Variants in TOP3A observed in about 807,000 individuals in gnomAD.
TOP3A encodes the protein DNA topoisomerase 3-alpha.
Under a neutral mutation model 111.3 loss-of-function variants are expected in TOP3A, and 64 were observed. The ratio of observed to expected loss-of-function variants is 0.57; its 90% CI spans 0.47 to 0.71. TOP3A has a LOEUF of 0.71. TOP3A is among the 30% of genes least tolerant of loss of function. TOP3A has a pLI of 0.00. For missense variants in TOP3A, 1,104 were observed against 1,285.0 expected (o/e 0.86, Z 2.15); for synonymous variants, 484 against 485.1 (o/e 1.00, Z 0.03).
Position 18,308,882 on chromosome 17 carries a change from C to T in TOP3A, c.240G>A (p.Gln80=). The change falls in exon 2 of 19, where the codon CAG becomes CAA. Residue 80 remains glutamine (Q), a splice_region_variant and synonymous_variant. Transcript: ENST00000321105. ...IYEFDYHLYG[Q]NVTMVMTSVS... ...ATTTTAGAAATATTTTAGCACCTAC[C>T]TGGCCATACAGATGATAATCAAATT... 6.4e-7 allele frequency: 1 copy of T among 1,567,042 alleles called. No individual in the cohort carries two copies. Among genetic ancestry groups the T allele is most frequent in the Non-Finnish European group, 8.7e-7 (1 of 1,151,804 alleles).
In TOP3A at chr17:18,274,128, G is replaced by GGT. The variant is rs1979174679; in HGVS notation, c.*672_*673dup. On this transcript the variant is annotated 3_prime_UTR_variant, in exon 19 of 19. Transcript: ENST00000321105. ...ATTTTTTGTATTTTAGTAGAGACAG[G>GGT]GTTTCACCATGTTGCCCTGGCTGGT... The GGT allele has an allele frequency of 6.6e-6, 1 of 152,138 alleles. No individual in the cohort carries two copies. Among genetic ancestry groups the GGT allele is most frequent in the Non-Finnish European group, 1.5e-5 (1 of 68,104 alleles). 9.4% of individuals were successfully genotyped at this position (152,138 alleles called of 1,614,324 possible). A position where few individuals can be genotyped will look rare whatever the true frequency, so the allele number is the denominator to read the frequency against.
At chr17:18,300,277 C>T (rs1485772704) in intron 8 of TOP3A, among the ~76,000 whole-genome samples, 2 of 151,952 alleles carry the variant, frequency 1.3e-5, no homozygotes, top group East Asian at 3.9e-4. Flanking sequence ...GCCTGTAGTT[C>T]CAGCTACTGG....
chr17:18,299,461 A>G lies in TOP3A; in HGVS notation c.990+98T>C, dbSNP rs552052394. On this transcript the variant is annotated intron_variant, in intron 9 of 18. Coordinates refer to ENST00000321105, the MANE Select transcript of TOP3A (RefSeq NM_004618.5). ...TTCTTGTGTGGCCTGGTGATGGGTGATATTTTCTTCCACCAAGCCACAGTC... is the reference window on the plus strand; with the variant it reads ...TTCTTGTGTGGCCTGGTGATGGGTGGTATTTTCTTCCACCAAGCCACAGTC... 6.5e-5 allele frequency: 67 copies of G among 1,034,786 alleles called. No individual in the cohort carries two copies. The African/African-American group carries it at 9.4e-4, about 15-fold the overall frequency. 64.1% of individuals were successfully genotyped at this position (1,034,786 alleles called of 1,614,324 possible). A position where few individuals can be genotyped will look rare whatever the true frequency, so the allele number is the denominator to read the frequency against.
At chr17:18,305,261 G>C (rs369175761) in intron 4 of TOP3A, 41 bp from the exon 5 acceptor site, 1 of 1,498,210 alleles carries the variant, frequency 6.7e-7, no homozygotes, top group Non-Finnish European at 9.3e-7. Context: ...GAACAGAATT[G>C]CACAACAGTG....
chr17:18,294,764 G>C lies in TOP3A; in HGVS notation c.1012C>G (p.Arg338Gly). Residue 338 changes from arginine (R) to glycine (G), a missense_variant, in exon 10 of 19, where the codon CGA becomes GGA. Transcript: ENST00000321105. ...DTVELEKLAS[R>G]KLRINAKETM... is the part of the protein sequence containing the mutation. ...TCTTTAGCATTTATTCTCAACTTTC[G>C]AGAAGCCAGCTTCTCAAGCTCCTGT... 1 of 1,613,786 alleles carries C rather than the reference G, an allele frequency of 6.2e-7. No homozygotes were observed. The highest frequency in any genetic ancestry group is 8.5e-7 in the Non-Finnish European group (1 of 1,179,852).
chr17:18,305,517 G>C (rs57776024), intron 4 of TOP3A, among the ~76,000 whole-genome samples: 3 of 151,430 alleles, frequency 2.0e-5, no homozygotes, highest in Non-Finnish European at 4.4e-5. Context: ...CGCACACTTC[G>C]AGAGGTTCTG....
intron 9 of TOP3A, among the ~76,000 whole-genome samples, chr17:18,297,115 G>GC (rs1397650157): frequency 6.6e-6 from 1 of 152,084 alleles, no homozygotes; most frequent in Non-Finnish European, 1.5e-5. Flanking sequence ...CAGTTATATT[G>GC]CATTTGTTAA....
chr17:18,288,573 C>G (rs1003008549), intron 13 of TOP3A, among the ~76,000 whole-genome samples: 9 of 152,228 alleles, frequency 5.9e-5, no homozygotes, highest in Non-Finnish European at 1.2e-4. Flanking sequence ...ACTGGGCAAG[C>G]CAAGGCCCTG....
Position 18,272,530 on chromosome 17 carries a change from A to C in TOP3A, c.*2272T>G, listed in dbSNP as rs549587334. On this transcript the variant is annotated 3_prime_UTR_variant, in exon 19 of 19. Coordinates refer to ENST00000321105, the MANE Select transcript of TOP3A (RefSeq NM_004618.5). The stretch of plus-strand genomic sequence containing the variant: ...AAAAAGTGGAAACAACCCAATGTCC[A>C]TCAACTGACAAATGGATAATCGTGT... 1.3e-5 allele frequency among the ~76,000 whole-genome samples: 2 copies of C among 152,238 alleles called. No homozygotes were observed. The highest frequency in any genetic ancestry group is 1.3e-4 in the Admixed American group (2 of 15,278).
chr17:18,281,460 TCAGAGAATTGGAGAATTCAGAG>T lies in TOP3A; in HGVS notation c.2022-824_2022-803del, dbSNP rs1177489190. ...TAAAGAATAATAATAATTCTCCAAT[TCAGAGAATTGGAGAATTCAGAG>T]CTAAAACAAAAGTAGTTATTCTCTC... On this transcript the variant is annotated intron_variant, in intron 16 of 18. Transcript: ENST00000321105. Among the ~76,000 whole-genome samples the T allele has an allele frequency of 4.7e-4, 72 of 152,110 alleles. 1 individual carries two copies. The highest frequency in any genetic ancestry group is 2.2e-4 in the Non-Finnish European group (15 of 68,006).
chr17:18,278,076 T>C lies in TOP3A; in HGVS notation c.2426A>G (p.Asn809Ser), dbSNP rs1366593444. ...LPPPTAAGES[N>S]SVTCNCGQEA... ...CTGGCCACAGTTGCAGGTCACAGAA[T>C]TGCTTTCACCAGCAGCCGTGGGTGG... Residue 809 changes from asparagine (N) to serine (S), a missense_variant, in exon 18 of 19, where the codon AAT becomes AGT. Asn to Ser is a conservative substitution (Grantham distance 46). Coordinates refer to ENST00000321105, the MANE Select transcript of TOP3A (RefSeq NM_004618.5). 1.9e-6 allele frequency: 3 copies of C among 1,614,196 alleles called. No individual in the cohort carries two copies. The South Asian group carries it at 3.3e-5, about 18-fold the overall frequency.
chr17:18,292,271 G>C (rs1360693865), intron 11 of TOP3A, among the ~76,000 whole-genome samples: 1 of 152,222 alleles, frequency 6.6e-6, no homozygotes, highest in African/African-American at 2.4e-5. Context: ...TGGGGTGGCA[G>C]CAAAGTTTCA....
chr17:18,302,328 G>C lies in TOP3A; in HGVS notation c.750C>G (p.Gly250=). ...TGGCTTTGAACCGCTCCACCACAAAGCCCAGTGTGGGGAACTGGCAGCTGC... is the reference window on the plus strand; with the variant it reads ...TGGCTTTGAACCGCTCCACCACAAACCCCAGTGTGGGGAACTGGCAGCTGC... ...SYGSCQFPTL[G]FVVERFKAIQ... The change falls in exon 7 of 19, where the codon GGC becomes GGG. Residue 250 remains glycine (G), a synonymous_variant. Coordinates refer to ENST00000321105, the MANE Select transcript of TOP3A (RefSeq NM_004618.5). 2 of 1,613,266 alleles carry C rather than the reference G, an allele frequency of 1.2e-6. No homozygotes were observed. Among genetic ancestry groups the C allele is most frequent in the Non-Finnish European group, 1.7e-6 (2 of 1,180,016 alleles).
chr17:18,300,490 C>T (rs901915273), intron 8 of TOP3A, among the ~76,000 whole-genome samples: 9 of 151,992 alleles, frequency 5.9e-5, no homozygotes, highest in Middle Eastern at 3.2e-3. Context: ...CACGTAGTCC[C>T]GCACCACATC....
In TOP3A at chr17:18,285,069, T is replaced by C; in HGVS notation, c.1877+73A>G. The stretch of plus-strand genomic sequence containing the variant: ...TTTGGGAGGCTGAGGTGGGAAGATC[T>C]CTTGAGGCCAGGAGTTCAAGACCAG... On this transcript the variant is annotated intron_variant, in intron 15 of 18. Transcript: ENST00000321105. 3 of 1,552,372 alleles carry C rather than the reference T, an allele frequency of 1.9e-6. No individual in the cohort carries two copies. The South Asian group carries it at 3.4e-5, about 18-fold the overall frequency.
chr17:18,287,377 C>T (rs1597964321), intron 13 of TOP3A, among the ~76,000 whole-genome samples: 1 of 151,870 alleles, frequency 6.6e-6, no homozygotes, highest in Non-Finnish European at 1.5e-5. Flanking sequence ...ACTAAAAATA[C>T]AAAAATTAGC....
intron 9 of TOP3A, among the ~76,000 whole-genome samples, chr17:18,297,755 C>T (rs1355685246): frequency 1.3e-5 from 2 of 152,050 alleles, no homozygotes; most frequent in East Asian, 1.9e-4. Context: ...AGTGCAGTGG[C>T]GTGATCTCGG....
chr17:18,272,979 T>C lies in TOP3A; in HGVS notation c.*1823A>G, dbSNP rs1382893464. On this transcript the variant is annotated 3_prime_UTR_variant, in exon 19 of 19. Transcript: ENST00000321105. ...CTGGTATGATTCCATTTAAACAAAA[T>C]ATCCAGAGTAGGTAAACCCACAGAG... is the stretch of plus-strand genomic sequence containing the variant. 2 of 152,072 alleles carry C rather than the reference T, an allele frequency of 1.3e-5. No homozygotes were observed. Among genetic ancestry groups the C allele is most frequent in the African/African-American group, 4.8e-5 (2 of 41,400 alleles). 9.4% of individuals were successfully genotyped at this position (152,072 alleles called of 1,614,324 possible).
Position 18,272,682 on chromosome 17 carries a change from G to A in TOP3A, c.*2120C>T, listed in dbSNP as rs1273902420. 7.5e-6 allele frequency among the ~76,000 whole-genome samples: 1 copy of A among 133,438 alleles called. No homozygotes were observed. The highest frequency in any genetic ancestry group is 3.1e-5 in the African/African-American group (1 of 32,386). 87.5% of individuals were successfully genotyped at this position (133,438 alleles called of 152,430 possible). A position where few individuals can be genotyped will look rare whatever the true frequency, so the allele number is the denominator to read the frequency against. The stretch of plus-strand genomic sequence containing the variant: ...AGACACAGGATGTCATGTATGGTAG[G>A]ATTTCATTTTTTTTTTTTTCTTGAG... On this transcript the variant is annotated 3_prime_UTR_variant, in exon 19 of 19. Coordinates refer to ENST00000321105, the MANE Select transcript of TOP3A (RefSeq NM_004618.5).
Sources: gnomAD v4.1 joint callset for allele counts (sites outside exome capture counted in the v4.1 genomes callset) on GRCh38, gnomAD v4.1.1 for gene constraint, MANE v1.5 for transcripts, NCBI Gene and HGNC (gene_info 2026-07-23, HGNC 2026-07-21) for gene names.